Variants in COL27A1 observed in about 807,000 individuals in gnomAD.
COL27A1 encodes collagen type XXVII alpha 1 chain.
COL27A1 carries 106 observed loss-of-function variants against 251.3 expected under a neutral mutation model. The ratio of observed to expected loss-of-function variants is 0.42; its 90% CI spans 0.36 to 0.50. The LOEUF (loss-of-function observed/expected upper bound fraction) is 0.50, where lower values mean the gene tolerates loss of function less well. Among genes scored for constraint, COL27A1 ranks in the 20% least tolerant of loss-of-function variants. COL27A1 has a pLI of 0.00. For missense variants in COL27A1, 2,325 were observed against 2,522.8 expected (o/e 0.92, Z 1.68); for synonymous variants, 1,000 against 986.3 (o/e 1.01, Z -0.26).
intron 27 of COL27A1, among the ~76,000 whole-genome samples, chr9:114,253,179 G>A (rs192810369): frequency 2.2e-4 from 34 of 152,192 alleles, no homozygotes; most frequent in Non-Finnish European, 4.6e-4. Flanking sequence ...AGAATCGCTT[G>A]AACCCAGAAG....
At position 114,265,074 on chromosome 9, in the gene COL27A1, T is replaced by C; in HGVS notation, c.3303T>C (p.Ala1101=). ...CCCACATGTGCTTCCAGGGTGTGGCTGGTGAGCGAGGCCACTTGGGCTCGA... is the reference window on the plus strand; with the variant it reads ...CCCACATGTGCTTCCAGGGTGTGGCCGGTGAGCGAGGCCACTTGGGCTCGA... ...RPGRPGQQGV[A]GERGHLGSRG... Residue 1101 remains alanine (A), a synonymous_variant, in exon 31 of 61, where the codon GCT becomes GCC. Transcript: ENST00000356083. The C allele has an allele frequency of 6.2e-7, 1 of 1,609,632 alleles. No homozygotes were observed. Among genetic ancestry groups the C allele is most frequent in the Non-Finnish European group, 8.5e-7 (1 of 1,177,768 alleles).
intron 45 of COL27A1, among the ~76,000 whole-genome samples, 183 bp downstream of exon 45, chr9:114,289,478 G>A (rs1181191709): frequency 6.6e-6 from 1 of 152,200 alleles, no homozygotes; most frequent in African/African-American, 2.4e-5. Flanking sequence ...AATAGCCTGA[G>A]TGAGGAGGGA....
At chr9:114,180,558 A>G (rs540463104) in intron 4 of COL27A1, among the ~76,000 whole-genome samples, 1 of 152,290 alleles carries the variant, frequency 6.6e-6, no homozygotes, top group South Asian at 2.1e-4. Flanking sequence ...TAAAATTCCA[A>G]AGATAATAGA....
At chr9:114,301,344 G>A in intron 53 of COL27A1, 25 bp downstream of exon 53, 1 of 1,612,748 alleles carries the variant, frequency 6.2e-7, no homozygotes, top group South Asian at 1.1e-5. Context: ...TGGGGCTGAG[G>A]GATGCAGCAC....
rs1483741643 is a variant in COL27A1 at position 114,168,550 on chromosome 9, C to T, written c.995C>T (p.Ala332Val). The change falls in exon 3 of 61, where the codon GCA (alanine) becomes GTA (valine). Residue 332 changes from alanine to valine, a missense_variant. By Grantham distance (64) the Ala-to-Val change is moderately conservative (BLOSUM62 0). This residue lies in a region of COL27A1 where 1,183 missense variants were observed against 1,144.1 expected (regional missense o/e 1.03). Transcript: ENST00000356083. ...CCTGCCAAGCTGTCAGCCAGTAACG[C>T]ACTTGATCCCATGCTCCCAGCCTCT... is the stretch of plus-strand genomic sequence containing the variant. ...LLPAKLSASN[A>V]LDPMLPASVG... is the part of the protein sequence containing the mutation. 1.9e-6 allele frequency: 3 copies of T among 1,614,114 alleles called. No homozygotes were observed. The East Asian group carries it at 6.7e-5, about 36-fold the overall frequency.
At chr9:114,212,938 C>T (rs976437521) in intron 12 of COL27A1, among the ~76,000 whole-genome samples, 1 of 152,194 alleles carries the variant, frequency 6.6e-6, no homozygotes, top group East Asian at 1.9e-4. Context: ...CAGCTGGGCC[C>T]TGCCCCAACA....
chr9:114,252,776 C>A, intron 26 of COL27A1, 103 bp from the exon 27 acceptor site: 1 of 1,408,720 alleles, frequency 7.1e-7, no homozygotes, highest in Non-Finnish European at 1.0e-6. Context: ...GGGGGCCTAG[C>A]TGCTGTCCTC....
At chr9:114,215,136 C>T (rs1257952787) in intron 12 of COL27A1, among the ~76,000 whole-genome samples, 1 of 152,216 alleles carries the variant, frequency 6.6e-6, no homozygotes, top group Admixed American at 6.5e-5. Context: ...GCTGGAAGGG[C>T]CCAGCCCTGG....
chr9:114,169,530 G>A, intron 3 of COL27A1, 67 bp downstream of exon 3: 1 of 1,282,606 alleles, frequency 7.8e-7, no homozygotes, highest in Non-Finnish European at 1.1e-6. Flanking sequence ...TGGTCAAGTG[G>A]TTGCCCCTAG....
intron 27 of COL27A1, among the ~76,000 whole-genome samples, chr9:114,254,550 G>C (rs1222024984): frequency 1.3e-5 from 2 of 152,138 alleles, no homozygotes; most frequent in African/African-American, 2.4e-5. Flanking sequence ...TGTGGGGGTA[G>C]AGGGACCAGC....
intron 12 of COL27A1, among the ~76,000 whole-genome samples, chr9:114,218,966 T>A (rs1266055680): frequency 1.4e-5 from 2 of 138,090 alleles, no homozygotes; most frequent in Non-Finnish European, 3.2e-5. Context: ...TTTTTTTTTT[T>A]AATTACATTT....
Position 114,220,928 on chromosome 9 carries a change from G to C in COL27A1, c.2421+1084G>C, listed in dbSNP as rs1418076913. ...GAGAATTGCTTGAACCCAGGAGGTG[G>C]AGGTTGCAGTGAGCCAAGATCACGC... is the stretch of plus-strand genomic sequence containing the variant. On this transcript the variant is annotated intron_variant, in intron 13 of 60. Transcript: ENST00000356083. Among the ~76,000 whole-genome samples the C allele has an allele frequency of 8.0e-5, 12 of 150,840 alleles. No individual in the cohort carries two copies. In the South Asian group the frequency reaches 1.9e-3, roughly 24 times the overall value.
intron 34 of COL27A1, among the ~76,000 whole-genome samples, chr9:114,267,834 G>A (rs1193921197): frequency 6.6e-6 from 1 of 152,182 alleles, no homozygotes; most frequent in African/African-American, 2.4e-5. Context: ...TCTGCAGCTC[G>A]GTGCCAGTGC....
chr9:114,241,722 G>A (rs143952620), intron 21 of COL27A1, among the ~76,000 whole-genome samples: 4,032 of 152,272 alleles, frequency 0.026, 147 homozygotes, highest in Non-Finnish European at 0.03. Context: ...GATGTTTGGG[G>A]GTGGCTGCAA....
At chr9:114,218,120 A>C in intron 12 of COL27A1, 2 of 246,224 alleles carry the variant, frequency 8.1e-6, no homozygotes, top group South Asian at 4.6e-5. Context: ...AAAAAAAAAG[A>C]AGGATCCCCT....
rs1628968 is a variant in COL27A1, at chr9:114,282,178, A to G, written c.3718-99A>G. 0.27 allele frequency: 302,158 copies of G among 1,103,518 alleles called. 42,240 individuals carry two copies. Among genetic ancestry groups the G allele is most frequent in the East Asian group, 0.36 (15,380 of 42,342 alleles). The allele number at this position is 1,103,518 out of a possible 1,614,324, so 68.4% of individuals were successfully genotyped here. A position where few individuals can be genotyped will look rare whatever the true frequency, so the allele number is the denominator to read the frequency against. On this transcript the variant is annotated intron_variant, in intron 37 of 60. Transcript: ENST00000356083. ...GGCAGAATCAGTTTCGAACCTGGCC[A>G]TCTGCCTCCAGAGCCGACAGTCTGA... is the stretch of plus-strand genomic sequence containing the variant.
chr9:114,237,775 G>C, intron 19 of COL27A1, 60 bp downstream of exon 19: 1 of 1,415,692 alleles, frequency 7.1e-7, no homozygotes, highest in South Asian at 1.2e-5. Flanking sequence ...TTGTCCTTGG[G>C]AAACTGAGGC....
rs1445258645 is a variant in COL27A1, at chr9:114,290,060, A to G, written c.4209A>G (p.Gly1403=). The G allele has an allele frequency of 1.2e-6, 2 of 1,611,612 alleles. No homozygotes were observed. The highest frequency in any genetic ancestry group is 1.1e-5 in the South Asian group (1 of 91,000). ...PGPKGSKGAE[G]PKGKQGKAGA... is the part of the protein sequence containing the mutation. The stretch of plus-strand genomic sequence containing the variant: ...TCATGTGGCCCTTGATTTTTCAGGG[A>G]CCAAAGGGAAAGCAAGGCAAGGCAG... The change falls in exon 46 of 61, where the codon GGA becomes GGG. Residue 1403 remains glycine, a splice_region_variant and synonymous_variant. Coordinates refer to ENST00000356083, the MANE Select transcript of COL27A1 (RefSeq NM_032888.4). The surrounding 1 kb of genome is among the most constrained non-coding windows in gnomAD (Gnocchi z 4.6).
In COL27A1 at chr9:114,232,496, C is replaced by T. The variant is rs565182352; in HGVS notation, c.2565+630C>T. Among the ~76,000 whole-genome samples, 34 of 152,326 alleles carry T rather than the reference C, an allele frequency of 2.2e-4. No individual in the cohort carries two copies. The South Asian group carries it at 6.8e-3, about 31-fold the overall frequency. On this transcript the variant is annotated intron_variant, in intron 16 of 60. Transcript: ENST00000356083. ...CACAGGGCCCAGCACTTGTGCCCTGCTCTGTGGCCATCTTCCTGCCTAGCC... is the reference window on the plus strand; with the variant it reads ...CACAGGGCCCAGCACTTGTGCCCTGTTCTGTGGCCATCTTCCTGCCTAGCC...
Sources: allele counts gnomAD v4.1 joint callset (sites outside exome capture counted in the v4.1 genomes callset), GRCh38; gene constraint gnomAD v4.1.1; regional missense constraint gnomAD v4.1.1; non-coding constraint Gnocchi (gnomAD v3.1); transcripts MANE v1.5; gene names NCBI Gene and HGNC (gene_info 2026-07-23, HGNC 2026-07-21).